Variants in IGF2R observed in about 807,000 individuals in gnomAD.
IGF2R encodes the protein cation-independent mannose-6-phosphate receptor.
Under a neutral mutation model 270.6 loss-of-function variants are expected in IGF2R, and 91 were observed. That is an observed-to-expected ratio of 0.34 (90% confidence interval 0.28 to 0.40). IGF2R has a LOEUF of 0.40. Among genes scored for constraint, IGF2R ranks in the 10% least tolerant of loss-of-function variants. The pLI is 1.00. For missense variants in IGF2R, 2,805 were observed against 3,188.3 expected, an observed-to-expected ratio of 0.88 and a Z score of 2.90; for synonymous variants, 1,316 against 1,258.9, an observed-to-expected ratio of 1.05 and a Z score of -0.96.
intron 1 of IGF2R, among the ~76,000 whole-genome samples, chr6:159,970,090 C>G (rs1397191889): frequency 6.6e-6 from 1 of 152,070 alleles, no homozygotes; most frequent in Non-Finnish European, 1.5e-5. Flanking sequence ...ATGTCATTGT[C>G]TCCGGGGCGG....
In IGF2R at chr6:160,090,212, AAAAC is replaced by A. The variant is rs754707727; in HGVS notation, c.6655+110_6655+113del. The A allele has an allele frequency of 1.3e-4, 94 of 729,782 alleles. 2 individuals are homozygous for A. In the South Asian group the frequency reaches 1.6e-3, roughly 12 times the overall value. The allele number at this position is 729,782 out of a possible 1,614,324, so 45.2% of individuals were successfully genotyped here. A position where few individuals can be genotyped will look rare whatever the true frequency, so the allele number is the denominator to read the frequency against. ...GAAATCTCGGACCACTTTTAAAACA[AAAAC>A]CTTGGTCTAATTCTTTACTTTGTTA... On this transcript the variant is annotated intron_variant, in intron 44 of 47. Transcript: ENST00000356956.
Position 160,046,611 on chromosome 6 carries a change from C to T in IGF2R, c.2017C>T (p.Gln673Ter). 6.2e-7 allele frequency: 1 copy of T among 1,613,170 alleles called. No individual in the cohort carries two copies. Among genetic ancestry groups the T allele is most frequent in the Non-Finnish European group, 8.5e-7 (1 of 1,179,864 alleles). Residue 673 changes from glutamine to a stop codon, truncating the protein, a stop_gained, in exon 15 of 48, where the codon CAG becomes TAG. Coordinates refer to ENST00000356956, the MANE Select transcript of IGF2R (RefSeq NM_000876.4). LOFTEE classifies it high-confidence loss of function. The stretch of plus-strand genomic sequence containing the variant: ...TGGCCCGGTGTCTGTGAGCCCCTGT[C>T]AGCCAGACTCAGGAGCCTGCCAGGT... ...VCGPVSVSPC[Q>*]PDSGACQVAK... is the part of the protein sequence containing the mutation.
chr6:160,092,783 ATCTGTGTGTGGACATGTCCG>A (rs1779256118), intron 44 of IGF2R, among the ~76,000 whole-genome samples: 2 of 152,124 alleles, frequency 1.3e-5, no homozygotes, highest in African/African-American at 4.8e-5. Context: ...TCTGGGCCCC[ATCTGTGTGTGGACATGTCCG>A]TCTCCTACCC....
At chr6:160,100,588 T>C (rs1408454861) in intron 45 of IGF2R, among the ~76,000 whole-genome samples, 1 of 152,088 alleles carries the variant, frequency 6.6e-6, no homozygotes, top group South Asian at 2.1e-4. Flanking sequence ...GACAGCACAG[T>C]GAAAAGCAAG....
At chr6:160,049,575 T>C (rs1241797209) in intron 18 of IGF2R, among the ~76,000 whole-genome samples, 2 of 152,180 alleles carry the variant, frequency 1.3e-5, no homozygotes, top group African/African-American at 4.8e-5. Context: ...GCTCCAGAGC[T>C]GGAACTTCCG....
intron 29 of IGF2R, among the ~76,000 whole-genome samples, chr6:160,066,075 C>T (rs1778578361): frequency 1.4e-5 from 2 of 147,358 alleles, no homozygotes; most frequent in Non-Finnish European, 3.0e-5. Context: ...AGTGCAGTGG[C>T]GTGATCTCGA....
At chr6:159,975,308 G>A (rs905971562) in intron 1 of IGF2R, among the ~76,000 whole-genome samples, 3 of 152,210 alleles carry the variant, frequency 2.0e-5, no homozygotes, top group Admixed American at 6.5e-5. Context: ...ATGAAGAGAT[G>A]TTTAGGGCGA....
chr6:160,074,012 G>A (rs1302623403), intron 35 of IGF2R, 37 bp downstream of exon 35: 1 of 1,494,784 alleles, frequency 6.7e-7, no homozygotes, highest in Non-Finnish European at 9.2e-7. Flanking sequence ...GATAATTTTT[G>A]CAAGACTTTT....
chr6:160,104,574 C>A, intron 47 of IGF2R, 100 bp from the exon 48 acceptor site: 1 of 1,272,132 alleles, frequency 7.9e-7, no homozygotes, highest in African/African-American at 1.5e-5. Flanking sequence ...AGTTCTTCCC[C>A]AGCTCGTGCC....
rs1461862063 is a variant in IGF2R at position 159,998,399 on chromosome 6, C to T, written c.289+7076C>T. 6.6e-6 allele frequency among the ~76,000 whole-genome samples: 1 copy of T among 152,056 alleles called. No homozygotes were observed. The stretch of plus-strand genomic sequence containing the variant: ...TTTGAGTTTGACCAAGTTCTGTGGA[C>T]CTTGAAAGCCAGGGAGGAGAAGAGT... On this transcript the variant is annotated intron_variant, in intron 2 of 47. Coordinates refer to ENST00000356956, the MANE Select transcript of IGF2R (RefSeq NM_000876.4). This position sits in a 1 kb window ranked among gnomAD's most constrained non-coding sequence, Gnocchi z 4.1.
chr6:160,087,151 TAA>T (rs1779113232), intron 41 of IGF2R, among the ~76,000 whole-genome samples: 1 of 152,176 alleles, frequency 6.6e-6, no homozygotes, highest in African/African-American at 2.4e-5. Flanking sequence ...GGGTCACTTT[TAA>T]AAGCAGACAG....
chr6:159,986,420 GTGTGTGTGTGT>G (rs1783885998), intron 1 of IGF2R, among the ~76,000 whole-genome samples: 1 of 109,986 alleles, frequency 9.1e-6, no homozygotes, highest in Admixed American at 1.1e-4. Flanking sequence ...GTGTGTGTGT[GTGTGTGTGTGT>G]TTTTTTTTTT....
Position 160,079,586 on chromosome 6 carries a change from C to T in IGF2R, c.5485C>T (p.Arg1829Cys), listed in dbSNP as rs753467612. The change falls in exon 38 of 48, where the codon CGC becomes TGC. Residue 1829 changes from arginine to cysteine, a missense_variant. This residue lies in a region of IGF2R where 1,851 missense variants were observed against 2,207.2 expected (regional missense o/e 0.84). Transcript: ENST00000356956. The part of the protein sequence containing the change: ...SLSTSTFKVT[R>C]DSRTYSVGVC... ...ACGCATGGTTTTTGTCCAGGTGACT[C>T]GCGACTCGCGCACCTACAGCGTTGG... The T allele has an allele frequency of 2.3e-5, 33 of 1,433,022 alleles. No homozygotes were observed. The highest frequency in any genetic ancestry group is 5.2e-5 in the East Asian group (2 of 38,122). 88.8% of individuals were successfully genotyped at this position (1,433,022 alleles called of 1,614,324 possible). A position where few individuals can be genotyped will look rare whatever the true frequency, so the allele number is the denominator to read the frequency against.
chr6:160,101,236 A>G (rs949327468), intron 45 of IGF2R, among the ~76,000 whole-genome samples: 1 of 152,256 alleles, frequency 6.6e-6, no homozygotes, highest in Non-Finnish European at 1.5e-5. Flanking sequence ...AGAAGAAATC[A>G]AAGGTAGAAA....
intron 19 of IGF2R, among the ~76,000 whole-genome samples, chr6:160,055,106 C>A (rs1042490056): frequency 6.6e-6 from 1 of 152,150 alleles, no homozygotes; most frequent in African/African-American, 2.4e-5. Context: ...GTTGTACACA[C>A]TCTCCTTGGG....
intron 3 of IGF2R, among the ~76,000 whole-genome samples, chr6:160,009,918 T>G (rs771696090): frequency 9.2e-5 from 14 of 152,286 alleles, no homozygotes; most frequent in Admixed American, 3.9e-4. Flanking sequence ...TGAAGAACTT[T>G]GAAAATAAAA....
chr6:160,102,468 G>A lies in IGF2R; in HGVS notation c.6843-51G>A. On this transcript the variant is annotated intron_variant, in intron 45 of 47. Transcript: ENST00000356956. The surrounding 1 kb of genome is among the most constrained non-coding windows in gnomAD (Gnocchi z 4.5). ...GACTCAGGTCTCAGGTTGTGGCTGT[G>A]GCAGCAGGACCACCCTGTGACACGG... The A allele has an allele frequency of 6.3e-7, 1 of 1,583,144 alleles. No homozygotes were observed.
rs778452376 is a variant in IGF2R, at chr6:160,080,181, C to G, written c.5739C>G (p.Ser1913Arg). The G allele has an allele frequency of 5.6e-6, 9 of 1,613,988 alleles. No individual in the cohort carries two copies. Among genetic ancestry groups the G allele is most frequent in the Non-Finnish European group, 7.6e-6 (9 of 1,179,988 alleles). ...CVFPFIFNGK[S>R]YEECIIESRA... is the part of the protein sequence containing the mutation. ...TCCCCTTCATATTCAATGGGAAGAGCTACGAGGAGTGCATCATAGAGAGCA... is the reference window on the plus strand; with the variant it reads ...TCCCCTTCATATTCAATGGGAAGAGGTACGAGGAGTGCATCATAGAGAGCA... Residue 1913 changes from serine to arginine, a missense_variant, in exon 39 of 48, where the codon AGC becomes AGG. Around this residue, in one of 2 missense-constraint regions of IGF2R, gnomAD observed 1,851 missense variants for 2,207.2 expected, o/e 0.84. Coordinates refer to ENST00000356956, the MANE Select transcript of IGF2R (RefSeq NM_000876.4).
intron 6 of IGF2R, 82 bp downstream of exon 6, chr6:160,027,396 T>G: frequency 6.9e-7 from 1 of 1,456,028 alleles, no homozygotes; most frequent in South Asian, 1.4e-5. Context: ...GAACATCCTT[T>G]TTCAGCAAGG....
Sources: allele counts gnomAD v4.1 joint callset (sites outside exome capture counted in the v4.1 genomes callset), GRCh38; gene constraint gnomAD v4.1.1; regional missense constraint gnomAD v4.1.1; non-coding constraint Gnocchi (gnomAD v3.1); transcripts MANE v1.5; gene names NCBI Gene and HGNC (gene_info 2026-07-23, HGNC 2026-07-21).